ZNF25: variants seen among roughly 807,000 people sequenced by gnomAD.
ZNF25 encodes zinc finger protein 25.
ZNF25 carries 21 observed loss-of-function variants against 30.9 expected under a neutral mutation model. The ratio of observed to expected loss-of-function variants is 0.68; its 90% CI spans 0.48 to 0.98. The LOEUF is 0.98. Among genes scored for constraint, ZNF25 ranks in the 50% least tolerant of loss-of-function variants. The probability of loss-of-function intolerance (pLI) is 0.00; values close to 1 mark genes in which losing one functional copy is unlikely to be tolerated. For synonymous variants in ZNF25, 169 were observed against 181.3 expected (o/e 0.93, Z 0.55); for missense variants, 501 against 529.9 (o/e 0.95, Z 0.54).
At chr10:37,957,685 G>A (rs1381656396) in intron 2 of ZNF25, 139 bp from the exon 3 acceptor site, 1 of 878,052 alleles carries the variant, frequency 1.1e-6, no homozygotes. Context: ...GCTGTACCCT[G>A]CTTTATTCAT....
At chr10:37,969,133 G>T (rs541663805) in intron 2 of ZNF25, among the ~76,000 whole-genome samples, 4 of 152,304 alleles carry the variant, frequency 2.6e-5, no homozygotes, top group Admixed American at 6.5e-5. Flanking sequence ...AATGGCAGGT[G>T]TTGGGGGTAT....
At chr10:37,953,843 T>G in intron 4 of ZNF25, 85 bp from the exon 5 acceptor site, 1 of 1,273,764 alleles carries the variant, frequency 7.9e-7, no homozygotes. Context: ...TCAGGCCAAT[T>G]TCTCATAATG....
intron 2 of ZNF25, among the ~76,000 whole-genome samples, chr10:37,959,758 C>T (rs1337064136): frequency 2.0e-5 from 3 of 151,950 alleles, no homozygotes; most frequent in Admixed American, 6.6e-5. Flanking sequence ...TATAGGCGCC[C>T]GCCACCACGC....
At chr10:37,976,141 C>T (rs2135480121) in intron 1 of ZNF25, among the ~76,000 whole-genome samples, 1 of 152,352 alleles carries the variant, frequency 6.6e-6, no homozygotes, top group Non-Finnish European at 1.5e-5. Flanking sequence ...CCATCATTTG[C>T]CAGATGCGCG....
At chr10:37,958,354 G>T (rs1286099730) in intron 2 of ZNF25, among the ~76,000 whole-genome samples, 1 of 152,168 alleles carries the variant, frequency 6.6e-6, no homozygotes, top group African/African-American at 2.4e-5. Context: ...ATGAGAAATG[G>T]TAAGTTTAGG....
At chr10:37,969,650 T>A (rs2063379751) in intron 2 of ZNF25, among the ~76,000 whole-genome samples, 1 of 152,126 alleles carries the variant, frequency 6.6e-6, no homozygotes, top group Admixed American at 6.5e-5. Flanking sequence ...GGAATGGGGT[T>A]TTCTTTTGGG....
intron 1 of ZNF25, among the ~76,000 whole-genome samples, chr10:37,974,578 C>T (rs920328090): frequency 1.5e-4 from 23 of 151,940 alleles, no homozygotes; most frequent in Admixed American, 4.6e-4. Context: ...ATCATTTTAC[C>T]CCTTAAAACA....
intron 2 of ZNF25, among the ~76,000 whole-genome samples, chr10:37,965,043 G>C (rs2063105502): frequency 1.3e-5 from 2 of 152,164 alleles, no homozygotes; most frequent in Non-Finnish European, 2.9e-5. Context: ...TACAGCTTGA[G>C]CCAAAGCTCA....
At chr10:37,974,096 C>T (rs1232580612) in intron 1 of ZNF25, among the ~76,000 whole-genome samples, 1 of 152,010 alleles carries the variant, frequency 6.6e-6, no homozygotes, top group Non-Finnish European at 1.5e-5. Context: ...GAAACTAAAC[C>T]CCTGTCTCTC....
At chr10:37,975,769 C>T (rs2063773415) in intron 1 of ZNF25, among the ~76,000 whole-genome samples, 1 of 152,204 alleles carries the variant, frequency 6.6e-6, no homozygotes, top group African/African-American at 2.4e-5. Flanking sequence ...AAACAGAACA[C>T]TACCTGGTTG....
In ZNF25 at chr10:37,952,946, G is replaced by A; in HGVS notation, c.552C>T (p.Tyr184=). The change falls in exon 6 of 6, where the codon TAC becomes TAT. Residue 184 remains tyrosine (Y), a synonymous_variant. Coordinates refer to ENST00000302609, the MANE Select transcript of ZNF25 (RefSeq NM_145011.4). The part of the protein sequence containing the change: ...YECKECKKIF[Y]HLSSLSRHLR... ...GATGTCTACTGAGAGATGATAGGTG[G>A]TAAAATATTTTCTTACATTCTTTAC... 6.2e-7 allele frequency: 1 copy of A among 1,614,156 alleles called. No homozygotes were observed. The highest frequency in any genetic ancestry group is 1.1e-5 in the South Asian group (1 of 91,082).
chr10:37,966,163 A>G (rs2063171496), intron 2 of ZNF25, among the ~76,000 whole-genome samples: 1 of 152,188 alleles, frequency 6.6e-6, no homozygotes, highest in Non-Finnish European at 1.5e-5. Context: ...TCACTCCTGT[A>G]ATCCCAGCAC....
intron 2 of ZNF25, chr10:37,967,875 T>C (rs187360956): frequency 6.6e-6 from 1 of 152,222 alleles, no homozygotes; most frequent in Non-Finnish European, 1.5e-5. Context: ...CCTAAATATA[T>C]GAGTTAAACA....
rs143933995 is a variant in ZNF25 at position 37,956,227 on chromosome 10, T to C, written c.238+793A>G. On this transcript the variant is annotated intron_variant, in intron 4 of 5. Coordinates refer to ENST00000302609, the MANE Select transcript of ZNF25 (RefSeq NM_145011.4). ...AAGTAGCAACTCCAAAATGAAAGAA[T>C]TGATGAGCAGCATACCGATTTTTAA... 1.2e-4 allele frequency among the ~76,000 whole-genome samples: 19 copies of C among 152,310 alleles called. No individual in the cohort carries two copies. The East Asian group carries it at 3.7e-3, about 29-fold the overall frequency.
chr10:37,973,697 C>T (rs1029025706), intron 1 of ZNF25, among the ~76,000 whole-genome samples: 3 of 151,734 alleles, frequency 2.0e-5, no homozygotes, highest in African/African-American at 7.3e-5. Context: ...TTAAAATGTC[C>T]ATAGTACTAA....
At chr10:37,961,922 CAAAAAAAAAA>C in intron 2 of ZNF25, among the ~76,000 whole-genome samples, 1 of 39,080 alleles carries the variant, frequency 2.6e-5, no homozygotes, top group African/African-American at 1.0e-4. Flanking sequence ...AACTCCATCT[CAAAAAAAAAA>C]AAAAAAAAAA....
chr10:37,956,596 G>A (rs1283328465), intron 4 of ZNF25, among the ~76,000 whole-genome samples: 2 of 151,996 alleles, frequency 1.3e-5, no homozygotes, highest in African/African-American at 2.4e-5. Context: ...GTCCTTAATC[G>A]CTTCCAAAAC....
rs541744269 is a variant in ZNF25, at chr10:37,963,215, C to A, written c.16-5669G>T. 1.1e-4 allele frequency among the ~76,000 whole-genome samples: 16 copies of A among 152,092 alleles called. No homozygotes were observed. In the South Asian group the frequency reaches 3.1e-3, roughly 30 times the overall value. On this transcript the variant is annotated intron_variant, in intron 2 of 5. Coordinates refer to ENST00000302609, the MANE Select transcript of ZNF25 (RefSeq NM_145011.4). Reference sequence around the variant, plus strand: ...CACTGCAACTACAACCTCTGCCTCCCGGGTTCAAGCACTTCCCCCGCCCCA... The same window carrying A: ...CACTGCAACTACAACCTCTGCCTCCAGGGTTCAAGCACTTCCCCCGCCCCA...
intron 2 of ZNF25, among the ~76,000 whole-genome samples, chr10:37,966,527 A>G (rs1211754106): frequency 6.6e-6 from 1 of 152,150 alleles, no homozygotes; most frequent in Non-Finnish European, 1.5e-5. Flanking sequence ...GGCCTCAGGA[A>G]GCTTACAGTC....
Sources: allele counts gnomAD v4.1 joint callset (sites outside exome capture counted in the v4.1 genomes callset), GRCh38; gene constraint gnomAD v4.1.1; transcripts MANE v1.5; gene names NCBI Gene and HGNC (gene_info 2026-07-23, HGNC 2026-07-21).